PTPRQ: variants seen among roughly 807,000 people sequenced by gnomAD.
PTPRQ encodes phosphatidylinositol phosphatase PTPRQ.
Under a neutral mutation model 246.0 loss-of-function variants are expected in PTPRQ, and 199 were observed. That is an observed-to-expected ratio of 0.81 (90% CI 0.72 to 0.91). PTPRQ has a LOEUF of 0.91. Ranked by LOEUF, PTPRQ falls within the 40% of genes least tolerant of loss-of-function variation. PTPRQ has a pLI of 0.00. For missense variants in PTPRQ, 2,624 were observed against 2,528.4 expected (o/e 1.04, Z -0.81); for synonymous variants, 869 against 853.2 (o/e 1.02, Z -0.32).
chr12:80,562,359 A>G (rs1404244105), intron 25 of PTPRQ, among the ~76,000 whole-genome samples: 2 of 152,180 alleles, frequency 1.3e-5, no homozygotes. Context: ...GTATTCATTT[A>G]TCTTTAAACA....
chr12:80,545,152 A>AT (rs1237021955), intron 23 of PTPRQ, among the ~76,000 whole-genome samples: 2 of 151,830 alleles, frequency 1.3e-5, no homozygotes, highest in Non-Finnish European at 2.9e-5. Context: ...TTTGTGTTTA[A>AT]TTTTTTCTCA....
intron 26 of PTPRQ, among the ~76,000 whole-genome samples, chr12:80,595,402 C>G (rs1054140100): frequency 6.6e-6 from 1 of 151,998 alleles, no homozygotes; most frequent in African/African-American, 2.4e-5. Flanking sequence ...TGTCAAAATT[C>G]TCCATATTTT....
At chr12:80,674,138 T>C (rs932408321) in intron 43 of PTPRQ, among the ~76,000 whole-genome samples, 10 of 152,104 alleles carry the variant, frequency 6.6e-5, no homozygotes, top group Non-Finnish European at 1.0e-4. Flanking sequence ...ATAACTACAA[T>C]ATACACAATA....
intron 3 of PTPRQ, among the ~76,000 whole-genome samples, chr12:80,446,647 CAT>C (rs1411942099): frequency 6.6e-6 from 1 of 151,800 alleles, no homozygotes; most frequent in Non-Finnish European, 1.5e-5. Context: ...CATGTGTACT[CAT>C]AGCTCCCACT....
At chr12:80,670,597 G>T in intron 42 of PTPRQ, 105 bp downstream of exon 42, 2 of 1,378,652 alleles carry the variant, frequency 1.5e-6, no homozygotes, top group Non-Finnish European at 1.9e-6. Context: ...CTTCCAGCTT[G>T]CCGTCTTCAG....
chr12:80,651,678 G>T (rs1900263058), intron 37 of PTPRQ, among the ~76,000 whole-genome samples: 1 of 152,076 alleles, frequency 6.6e-6, no homozygotes, highest in Non-Finnish European at 1.5e-5. Context: ...TCTAGAAATG[G>T]AAACTTTTAT....
chr12:80,566,592 T>C (rs1896986689), intron 25 of PTPRQ, among the ~76,000 whole-genome samples: 1 of 152,188 alleles, frequency 6.6e-6, no homozygotes, highest in African/African-American at 2.4e-5. Flanking sequence ...AGGCTGGATA[T>C]GCAGTGGCAC....
At chr12:80,675,039 G>A (rs1205750365) in intron 43 of PTPRQ, among the ~76,000 whole-genome samples, 1 of 152,074 alleles carries the variant, frequency 6.6e-6, no homozygotes, top group African/African-American at 2.4e-5. Context: ...AATTAGTTAG[G>A]TAAACTAGGT....
chr12:80,611,740 TACA>T (rs779089111), intron 28 of PTPRQ, among the ~76,000 whole-genome samples: 12 of 150,454 alleles, frequency 8.0e-5, no homozygotes, highest in Non-Finnish European at 1.8e-4. Context: ...GGAAATTTTT[TACA>T]ACATTGAGAG....
At position 80,673,192 on chromosome 12, in the gene PTPRQ, T is replaced by C. The variant is rs1477872224; in HGVS notation, c.6626T>C (p.Val2209Ala). ...AGTGCTGGAGTTGGAAGAACTGGAG[T>C]TTTTATTGCTCTGGACCATTTAACA... is the stretch of plus-strand genomic sequence containing the variant. Reference protein sequence around the residue: ...HCSAGVGRTGVFIALDHLTQH... With the variant: ...HCSAGVGRTGAFIALDHLTQH... Residue 2209 changes from valine (V) to alanine (A), a missense_variant, in exon 43 of 45, where the codon GTT becomes GCT. Val to Ala is a moderately conservative substitution (Grantham distance 64). Coordinates refer to ENST00000644991, the MANE Select transcript of PTPRQ (RefSeq NM_001145026.2). The C allele has an allele frequency of 1.9e-6, 3 of 1,550,332 alleles. No individual in the cohort carries two copies. The highest frequency in any genetic ancestry group is 2.6e-6 in the Non-Finnish European group (3 of 1,146,290).
At chr12:80,582,758 A>G (rs1477245831) in intron 25 of PTPRQ, among the ~76,000 whole-genome samples, 4 of 152,176 alleles carry the variant, frequency 2.6e-5, no homozygotes, top group Admixed American at 1.3e-4. Context: ...GAAGTGAGAG[A>G]AGGGACTGGG....
At position 80,493,462 on chromosome 12, in the gene PTPRQ, A is replaced by G. The variant is rs1894515175; in HGVS notation, c.1540+7A>G. ...GACCAGACTTCACCAGTTGGTAGGTAGAATTTTGATTTTCTATAAAGTTCA... is the reference window on the plus strand; with the variant it reads ...GACCAGACTTCACCAGTTGGTAGGTGGAATTTTGATTTTCTATAAAGTTCA... On this transcript the variant is annotated splice_region_variant and intron_variant, in intron 10 of 44. Transcript: ENST00000644991. 6.5e-7 allele frequency: 1 copy of G among 1,545,914 alleles called. No individual in the cohort carries two copies. Among genetic ancestry groups the G allele is most frequent in the Non-Finnish European group, 8.7e-7 (1 of 1,144,012 alleles).
At chr12:80,469,091 C>A (rs1207452615) in intron 7 of PTPRQ, among the ~76,000 whole-genome samples, 1 of 152,052 alleles carries the variant, frequency 6.6e-6, no homozygotes, top group African/African-American at 2.4e-5. Flanking sequence ...GATAACTCCT[C>A]AAGAAAAAAG....
intron 3 of PTPRQ, among the ~76,000 whole-genome samples, chr12:80,449,211 T>A (rs959038890): frequency 2.0e-5 from 3 of 151,558 alleles, no homozygotes; most frequent in African/African-American, 7.3e-5. Context: ...CACCCACTTT[T>A]TGATGGGGTT....
chr12:80,459,098 T>A (rs982370628), intron 4 of PTPRQ, among the ~76,000 whole-genome samples, 186 bp from the exon 5 acceptor site: 1 of 152,186 alleles, frequency 6.6e-6, no homozygotes, highest in African/African-American at 2.4e-5. Context: ...TAAAGTAAAG[T>A]TGACTTGCCC....
intron 35 of PTPRQ, among the ~76,000 whole-genome samples, chr12:80,646,007 A>ACC (rs1432361911): frequency 1.3e-5 from 2 of 152,192 alleles, no homozygotes; most frequent in East Asian, 3.9e-4. Flanking sequence ...TTTGAAAGCT[A>ACC]GATATTCGTG....
At chr12:80,546,083 C>T (rs1256888983) in intron 23 of PTPRQ, among the ~76,000 whole-genome samples, 9 of 151,932 alleles carry the variant, frequency 5.9e-5, no homozygotes, top group Non-Finnish European at 1.2e-4. Flanking sequence ...TTTGGGAGGC[C>T]GAGGTGGGCA....
intron 14 of PTPRQ, 70 bp from the exon 15 acceptor site, chr12:80,505,954 G>A: frequency 2.0e-6 from 3 of 1,479,238 alleles, no homozygotes; most frequent in Non-Finnish European, 2.7e-6. Flanking sequence ...GTGCACTTCA[G>A]TGACAATTTC....
intron 5 of PTPRQ, 115 bp downstream of exon 5, chr12:80,459,598 C>T: frequency 1.5e-5 from 6 of 396,060 alleles, no homozygotes; most frequent in East Asian, 3.6e-5. Context: ...TATTTGATTA[C>T]TTATGGTATC....
Sources: gnomAD v4.1 joint callset for allele counts (sites outside exome capture counted in the v4.1 genomes callset) on GRCh38, gnomAD v4.1.1 for gene constraint, MANE v1.5 for transcripts, NCBI Gene and HGNC (gene_info 2026-07-23, HGNC 2026-07-21) for gene names.